Variants in SSBP4 observed in about 807,000 individuals in gnomAD.
The protein encoded by SSBP4 is single-stranded DNA-binding protein 4.
Under a neutral mutation model 64.6 loss-of-function variants are expected in SSBP4, and 33 were observed. That is an observed-to-expected ratio of 0.51 (90% CI 0.39 to 0.68). SSBP4 has a LOEUF of 0.68. SSBP4 is among the 30% of genes least tolerant of loss of function. The probability of loss-of-function intolerance (pLI) is 0.00; values close to 1 mark genes in which losing one functional copy is unlikely to be tolerated. For synonymous variants in SSBP4, 243 were observed against 224.0 expected (o/e 1.08, Z -0.76); for missense variants, 583 against 566.8 (o/e 1.03, Z -0.29).
chr19:18,404,005 C>T, the SSBP4 span, among the ~76,000 whole-genome samples: 2 of 151,616 alleles, frequency 1.3e-5, no homozygotes, highest in Admixed American at 6.6e-5. Context: ...AACCTCCAGG[C>T]AGCCGCCAGA....
In SSBP4 at chr19:18,419,424, A is replaced by T; in HGVS notation, c.-225A>T. ...TTTCCCGGAACAGCCCGCGCGGAGG[A>T]AAGGGAGGAAAAAAAGCCACCCTGC... On this transcript the variant is annotated 5_prime_UTR_variant, in exon 1 of 18. Coordinates refer to ENST00000270061, the MANE Select transcript of SSBP4 (RefSeq NM_032627.5). The T allele has an allele frequency of 9.6e-7, 1 of 1,039,934 alleles. No individual in the cohort carries two copies. Among genetic ancestry groups the T allele is most frequent in the South Asian group, 4.4e-5 (1 of 22,494 alleles). The allele number at this position is 1,039,934 out of a possible 1,614,324, so 64.4% of individuals were successfully genotyped here.
chr19:18,432,850 C>T lies in SSBP4; in HGVS notation c.808C>T (p.Pro270Ser). 6.2e-7 allele frequency: 1 copy of T among 1,613,928 alleles called. No homozygotes were observed. The highest frequency in any genetic ancestry group is 8.5e-7 in the Non-Finnish European group (1 of 1,179,948). Residue 270 changes from proline to serine, a missense_variant, in exon 13 of 18, where the codon CCC (proline) becomes TCC (serine). Transcript: ENST00000270061. ...GCAGGGACCCCCAGGAGGAGGTGGG[C>T]CCCCTGGAACACCCATCATGCCTAG... is the stretch of plus-strand genomic sequence containing the variant. Reference protein sequence around the residue: ...SYTGPPGGGGPPGTPIMPSPG... With the variant: ...SYTGPPGGGGSPGTPIMPSPG...
intron 15 of SSBP4, 25 bp downstream of exon 15, chr19:18,433,238 C>T: frequency 6.5e-7 from 1 of 1,545,930 alleles, no homozygotes; most frequent in Non-Finnish European, 8.7e-7. Context: ...CTGCTCCCGC[C>T]CACGTTGCCT....
chr19:18,420,344 C>T (rs1972356325), intron 1 of SSBP4, among the ~76,000 whole-genome samples: 3 of 152,030 alleles, frequency 2.0e-5, no homozygotes, highest in South Asian at 4.1e-4. Context: ...ATACTGAGGG[C>T]CCCTTTTGTT....
chr19:18,410,424 G>A, the SSBP4 span, among the ~76,000 whole-genome samples: 1 of 152,036 alleles, frequency 6.6e-6, no homozygotes, highest in East Asian at 1.9e-4. Flanking sequence ...GAGTCACCGC[G>A]CCCGGCCTGG....
chr19:18,403,492 G>A, the SSBP4 span, among the ~76,000 whole-genome samples: 1 of 152,164 alleles, frequency 6.6e-6, no homozygotes, highest in Admixed American at 6.5e-5. Context: ...AGGGTTCTGA[G>A]GTCTGTGGGT....
chr19:18,411,470 G>A, the SSBP4 span, among the ~76,000 whole-genome samples: 3 of 152,092 alleles, frequency 2.0e-5, no homozygotes, highest in African/African-American at 7.2e-5. Context: ...ACTCCAGCCT[G>A]GGCAACAGAG....
chr19:18,414,488 T>C (rs77488050), upstream of SSBP4, among the ~76,000 whole-genome samples: 19,484 of 152,126 alleles, frequency 0.13, 1,290 homozygotes, highest in South Asian at 0.17. Flanking sequence ...GAGACACCCA[T>C]ATCTAAAAAG....
the SSBP4 span, among the ~76,000 whole-genome samples, chr19:18,404,483 A>G: frequency 6.6e-6 from 1 of 151,366 alleles, no homozygotes; most frequent in Non-Finnish European, 1.5e-5. Context: ...AATTCCAGCT[A>G]CTCGGGAGGC....
chr19:18,419,657 C>T lies in SSBP4; in HGVS notation c.9C>T (p.Ala3=). Residue 3 remains alanine (A), a synonymous_variant, in exon 1 of 18, where the codon GCC becomes GCT. Coordinates refer to ENST00000270061, the MANE Select transcript of SSBP4 (RefSeq NM_032627.5). ...CGGCGGCGTGGAGCAGCATGTACGCCAAGGGGGGCAAGGGTTCGGCCGTGC... is the reference window on the plus strand; with the variant it reads ...CGGCGGCGTGGAGCAGCATGTACGCTAAGGGGGGCAAGGGTTCGGCCGTGC... MY[A]KGGKGSAVPS... is the part of the protein sequence containing the mutation. 1 of 1,241,372 alleles carries T rather than the reference C, an allele frequency of 8.1e-7. No homozygotes were observed. The highest frequency in any genetic ancestry group is 1.0e-6 in the Non-Finnish European group (1 of 987,516). 76.9% of individuals were successfully genotyped at this position (1,241,372 alleles called of 1,614,324 possible). A position where few individuals can be genotyped will look rare whatever the true frequency, so the allele number is the denominator to read the frequency against.
intron 1 of SSBP4, among the ~76,000 whole-genome samples, chr19:18,419,952 G>T (rs1972316861): frequency 6.7e-6 from 1 of 150,270 alleles, no homozygotes; most frequent in South Asian, 2.1e-4. Flanking sequence ...GCGCTAGACG[G>T]GAGTGGACGG....
At chr19:18,419,959 A>C in intron 1 of SSBP4, 1 of 169,098 alleles carries the variant, frequency 5.9e-6, no homozygotes, top group Admixed American at 6.6e-5. Flanking sequence ...ACGGGAGTGG[A>C]CGGGCGAGAC....
upstream of SSBP4, chr19:18,419,388 G>T (rs1248273442): frequency 9.7e-7 from 1 of 1,031,714 alleles, no homozygotes; most frequent in Non-Finnish European, 1.2e-6. Context: ...GCGGGAGGAG[G>T]GGAGCGCGCG....
chr19:18,405,458 C>T, the SSBP4 span, among the ~76,000 whole-genome samples: 5 of 141,820 alleles, frequency 3.5e-5, no homozygotes, highest in African/African-American at 5.3e-5. Flanking sequence ...CCCAGGAGTT[C>T]AAGACCAGCC....
In SSBP4 at chr19:18,431,652, C is replaced by T; in HGVS notation, c.441C>T (p.Phe147=). 1.3e-6 allele frequency: 2 copies of T among 1,550,998 alleles called. No individual in the cohort carries two copies. The highest frequency in any genetic ancestry group is 1.7e-6 in the Non-Finnish European group (2 of 1,147,672). ...APMMGPHGQP[F]MSPRFPGGPR... is the part of the protein sequence containing the mutation. ...TCCCCGCCCACCTCTTCCAGCCCTT[C>T]ATGTCACCGCGCTTCCCAGGGGGCC... The change falls in exon 7 of 18, where the codon TTC becomes TTT. Residue 147 remains phenylalanine, a synonymous_variant. Coordinates refer to ENST00000270061, the MANE Select transcript of SSBP4 (RefSeq NM_032627.5).
At chr19:18,430,535 T>C (rs1307092322) in intron 4 of SSBP4, among the ~76,000 whole-genome samples, 1 of 152,088 alleles carries the variant, frequency 6.6e-6, no homozygotes, top group Non-Finnish European at 1.5e-5. Context: ...TATGTTTATT[T>C]GGGGGGTCCT....
At chr19:18,420,399 G>A (rs986197642) in intron 1 of SSBP4, among the ~76,000 whole-genome samples, 23 of 152,200 alleles carry the variant, frequency 1.5e-4, no homozygotes, top group African/African-American at 5.5e-4. Flanking sequence ...TCTGAAGCTG[G>A]TAGGGGCAGG....
the SSBP4 span, among the ~76,000 whole-genome samples, chr19:18,408,913 A>G: frequency 6.6e-6 from 1 of 152,002 alleles, no homozygotes. Context: ...CCTGGGCTCA[A>G]GCGATCCTCC....
rs1568347961 is a variant in SSBP4, at chr19:18,426,931, TC to T, written c.60-417del. On this transcript the variant is annotated intron_variant, in intron 1 of 17. Coordinates refer to ENST00000270061, the MANE Select transcript of SSBP4 (RefSeq NM_032627.5). This position sits in a 1 kb window ranked among gnomAD's most constrained non-coding sequence, Gnocchi z 4.5. ...AGGGGATGTGGGGTGGAGGACCCCT[TC>T]CCTCCTTCCTTCCTGGGCCGGGGAG... 6.6e-6 allele frequency among the ~76,000 whole-genome samples: 1 copy of T among 151,990 alleles called. No individual in the cohort carries two copies. Among genetic ancestry groups the T allele is most frequent in the Non-Finnish European group, 1.5e-5 (1 of 67,966 alleles).
Sources: gnomAD v4.1 joint callset for allele counts (sites outside exome capture counted in the v4.1 genomes callset) on GRCh38, gnomAD v4.1.1 for gene constraint, Gnocchi (gnomAD v3.1) non-coding constraint, MANE v1.5 for transcripts, NCBI Gene and HGNC (gene_info 2026-07-23, HGNC 2026-07-21) for gene names.